The following CFAP299 variants were observed in gnomAD, a reference collection of about 807,000 sequenced individuals.
CFAP299 encodes the protein cilia- and flagella-associated protein 299.
CFAP299 carries 21 observed loss-of-function variants against 27.0 expected under a neutral mutation model. That is an observed-to-expected ratio of 0.78 (90% CI 0.55 to 1.12). The LOEUF (loss-of-function observed/expected upper bound fraction) is 1.12, where lower values mean the gene tolerates loss of function less well. Among genes scored for constraint, CFAP299 ranks in the 50% most tolerant of loss-of-function variants. The pLI is 0.00. For missense variants in CFAP299, 310 were observed against 276.6 expected (o/e 1.12, Z -0.86); for synonymous variants, 104 against 98.1 (o/e 1.06, Z -0.36).
chr4:80,495,135 T>A (rs1204859254), intron 2 of CFAP299, among the ~76,000 whole-genome samples: 1 of 152,232 alleles, frequency 6.6e-6, no homozygotes, highest in East Asian at 1.9e-4. Flanking sequence ...CAGGCTAAAT[T>A]TTGTGGATTT....
intron 3 of CFAP299, among the ~76,000 whole-genome samples, chr4:80,841,075 C>T (rs545899289): frequency 8.9e-4 from 135 of 152,028 alleles, no homozygotes; most frequent in Non-Finnish European, 1.8e-3. Context: ...AATGTAAGAA[C>T]ATTAAAGGTA....
chr4:80,867,454 C>T (rs1732810409), intron 3 of CFAP299, among the ~76,000 whole-genome samples: 1 of 152,064 alleles, frequency 6.6e-6, no homozygotes, highest in African/African-American at 2.4e-5. Flanking sequence ...ATTATTTTAA[C>T]TTATTATAAT....
chr4:80,819,830 TA>T (rs1022553962), intron 3 of CFAP299, among the ~76,000 whole-genome samples: 102 of 152,268 alleles, frequency 6.7e-4, no homozygotes, highest in African/African-American at 2.2e-3. Context: ...GTTTAGACTC[TA>T]AAAAGGGCTC....
intron 2 of CFAP299, among the ~76,000 whole-genome samples, chr4:80,373,152 A>G (rs1003556288): frequency 3.3e-5 from 5 of 152,062 alleles, no homozygotes; most frequent in African/African-American, 9.7e-5. Flanking sequence ...GCATAGACAC[A>G]GTGGACCTAA....
In CFAP299 at chr4:80,938,040, TG is replaced by T. The variant is rs544909819; in HGVS notation, c.477-6769del. ...TACTTCTCCCTCTATTTTATGTAAT[TG>T]ATATCATGTCCCTATTTACACCTGT... On this transcript the variant is annotated intron_variant, in intron 4 of 5. Transcript: ENST00000358105. Among the ~76,000 whole-genome samples the T allele has an allele frequency of 5.2e-3, 787 of 152,324 alleles. 3 individuals carry two copies. The highest frequency in any genetic ancestry group is 8.9e-3 in the Non-Finnish European group (608 of 68,030).
At chr4:80,584,915 A>T (rs372522372) in intron 3 of CFAP299, among the ~76,000 whole-genome samples, 11 of 152,104 alleles carry the variant, frequency 7.2e-5, no homozygotes, top group African/African-American at 2.7e-4. Context: ...TAATCAAATA[A>T]TCATTATTTG....
At chr4:80,950,265 T>C (rs12508331) in intron 5 of CFAP299, among the ~76,000 whole-genome samples, 134,493 of 150,546 alleles carry the variant, frequency 0.89, 61,339 homozygotes, top group Non-Finnish European at 0.99. Context: ...CCCCCCCCTT[T>C]CTCATTTGAT....
chr4:80,937,128 C>A (rs1258668751), intron 4 of CFAP299, among the ~76,000 whole-genome samples: 3 of 151,700 alleles, frequency 2.0e-5, no homozygotes, highest in East Asian at 3.9e-4. Flanking sequence ...TTTAGGTGCT[C>A]CCGCATTGAG....
At chr4:80,772,001 T>TA (rs1726246438) in intron 3 of CFAP299, among the ~76,000 whole-genome samples, 1 of 152,198 alleles carries the variant, frequency 6.6e-6, no homozygotes, top group African/African-American at 2.4e-5. Flanking sequence ...TAGCCATGAC[T>TA]GCCACGTGTT....
chr4:80,419,682 C>T (rs1560559005), intron 2 of CFAP299, among the ~76,000 whole-genome samples: 1 of 152,108 alleles, frequency 6.6e-6, no homozygotes, highest in South Asian at 2.1e-4. Context: ...GCCTCTCCTG[C>T]CCTGTTCATG....
At chr4:80,902,394 A>C (rs1734946603) in intron 4 of CFAP299, among the ~76,000 whole-genome samples, 1 of 146,322 alleles carries the variant, frequency 6.8e-6, no homozygotes, top group Non-Finnish European at 1.5e-5. Flanking sequence ...TAAATATATG[A>C]AATATACTTT....
At chr4:80,762,659 T>G (rs150089609) in intron 3 of CFAP299, among the ~76,000 whole-genome samples, 22 of 152,310 alleles carry the variant, frequency 1.4e-4, no homozygotes, top group African/African-American at 5.1e-4. Flanking sequence ...CTATATCCCC[T>G]TCCAGGAATA....
intron 2 of CFAP299, among the ~76,000 whole-genome samples, chr4:80,542,511 C>T (rs1734049053): frequency 6.6e-6 from 1 of 152,104 alleles, no homozygotes; most frequent in South Asian, 2.1e-4. Context: ...TGCGGAGTAC[C>T]AGAATGCATT....
chr4:80,687,142 C>T (rs111593989), intron 3 of CFAP299, among the ~76,000 whole-genome samples: 2 of 152,288 alleles, frequency 1.3e-5, no homozygotes, highest in African/African-American at 4.8e-5. Flanking sequence ...AATCTCCACT[C>T]AAGCCAGTAC....
At chr4:80,712,516 CTTG>C (rs749777342) in intron 3 of CFAP299, among the ~76,000 whole-genome samples, 44 of 152,102 alleles carry the variant, frequency 2.9e-4, no homozygotes, top group Non-Finnish European at 6.0e-4. Flanking sequence ...AATGAAAAAT[CTTG>C]TTTTGACTTG....
intron 3 of CFAP299, among the ~76,000 whole-genome samples, chr4:80,644,173 G>A (rs1739865410): frequency 6.6e-6 from 1 of 152,078 alleles, no homozygotes; most frequent in Non-Finnish European, 1.5e-5. Context: ...TGTGCTTATT[G>A]TGATCCCTGG....
chr4:80,734,696 T>A (rs1227884191), intron 3 of CFAP299, among the ~76,000 whole-genome samples: 3 of 152,186 alleles, frequency 2.0e-5, no homozygotes, highest in Non-Finnish European at 4.4e-5. Context: ...ATATCCAATT[T>A]TCCCAGCACT....
At chr4:80,952,235 G>T (rs576966614) in intron 5 of CFAP299, among the ~76,000 whole-genome samples, 47 of 152,246 alleles carry the variant, frequency 3.1e-4, no homozygotes, top group African/African-American at 9.6e-4. Context: ...TCTGCGGGAT[G>T]AATAAATTGA....
chr4:80,486,421 G>A (rs980553992), intron 2 of CFAP299, among the ~76,000 whole-genome samples: 5 of 152,160 alleles, frequency 3.3e-5, no homozygotes, highest in Non-Finnish European at 5.9e-5. Context: ...AGAAGTTCTT[G>A]TTCAGGTTTG....
Sources: gnomAD v4.1 joint callset for allele counts (sites outside exome capture counted in the v4.1 genomes callset) on GRCh38, gnomAD v4.1.1 for gene constraint, MANE v1.5 for transcripts, NCBI Gene and HGNC (gene_info 2026-07-23, HGNC 2026-07-21) for gene names.